Variants in CRB1 observed in about 807,000 individuals in gnomAD.
CRB1 encodes the protein crumbs cell polarity complex component 1, also known as protein crumbs homolog 1.
CRB1 carries 83 observed loss-of-function variants against 120.0 expected under a neutral mutation model. The ratio of observed to expected loss-of-function variants is 0.69; its 90% CI spans 0.58 to 0.83. CRB1 has a LOEUF of 0.83. Among genes scored for constraint, CRB1 ranks in the 40% least tolerant of loss-of-function variants. CRB1 has a pLI of 0.00. For missense variants in CRB1, 1,699 were observed against 1,687.6 expected (o/e 1.01, Z -0.12); for synonymous variants, 625 against 612.5 (o/e 1.02, Z -0.30).
intron 1 of CRB1, among the ~76,000 whole-genome samples, chr1:197,315,235 T>C (rs1373441063): frequency 3.9e-5 from 6 of 152,238 alleles, no homozygotes; most frequent in Non-Finnish European, 8.8e-5. Context: ...AGTCTTGTAC[T>C]AGCTACCCTG....
chr1:197,450,666 C>T (rs975839384), intron 11 of CRB1, among the ~76,000 whole-genome samples: 2 of 151,350 alleles, frequency 1.3e-5, no homozygotes, highest in South Asian at 2.1e-4. Flanking sequence ...ATAGGCCGGG[C>T]GCGGTGGCTC....
intron 3 of CRB1, among the ~76,000 whole-genome samples, chr1:197,345,485 AT>A (rs1659709507): frequency 6.7e-6 from 1 of 149,912 alleles, no homozygotes; most frequent in Non-Finnish European, 1.5e-5. Context: ...TGCTTCAAAA[AT>A]TTGCAAAAAT....
At chr1:197,246,535 T>C in the CRB1 span, among the ~76,000 whole-genome samples, 1 of 151,972 alleles carries the variant, frequency 6.6e-6, no homozygotes, top group East Asian at 1.9e-4. Context: ...TTTTAGAGTC[T>C]CCTTATATTT....
At chr1:197,259,114 G>A in the CRB1 span, among the ~76,000 whole-genome samples, 5 of 152,320 alleles carry the variant, frequency 3.3e-5, no homozygotes, top group African/African-American at 1.2e-4. Context: ...GTGGAAGACA[G>A]TGTGATGATT....
At chr1:197,279,035 G>T (rs1445456509) in intron 1 of CRB1, among the ~76,000 whole-genome samples, 1 of 152,008 alleles carries the variant, frequency 6.6e-6, no homozygotes, top group Middle Eastern at 3.4e-3. Flanking sequence ...CTAGTCTTGT[G>T]TATGAAGAAA....
intron 1 of CRB1, among the ~76,000 whole-genome samples, chr1:197,308,450 A>G (rs939699777): frequency 6.6e-6 from 1 of 152,210 alleles, no homozygotes; most frequent in African/African-American, 2.4e-5. Context: ...TCTCTGTTCT[A>G]ATTTATCATC....
the CRB1 span, among the ~76,000 whole-genome samples, chr1:197,229,305 T>G: frequency 5.9e-3 from 897 of 152,282 alleles, 4 homozygotes; most frequent in Non-Finnish European, 8.9e-3. Flanking sequence ...CAACATGATA[T>G]GATAGTAAAG....
chr1:197,311,698 AGTGTGT>A (rs57455433), intron 1 of CRB1, among the ~76,000 whole-genome samples: 24,297 of 138,750 alleles, frequency 0.18, 2,104 homozygotes, highest in Middle Eastern at 0.25. Flanking sequence ...TCATATAGTT[AGTGTGT>A]GTGTGTGTGT....
intron 3 of CRB1, 119 bp downstream of exon 3, chr1:197,344,595 T>C (rs1264048123): frequency 1.7e-5 from 15 of 888,204 alleles, no homozygotes; most frequent in Non-Finnish European, 2.8e-5. Context: ...TGTAACTTTA[T>C]ACTTTAACTG....
chr1:197,265,263 A>C, upstream of CRB1, among the ~76,000 whole-genome samples: 1 of 149,622 alleles, frequency 6.7e-6, no homozygotes, highest in Non-Finnish European at 1.5e-5. Context: ...TCTTTTCTTT[A>C]TTTCCTTCTT....
chr1:197,257,466 TG>T, the CRB1 span, among the ~76,000 whole-genome samples: 14 of 152,170 alleles, frequency 9.2e-5, no homozygotes, highest in Non-Finnish European at 1.8e-4. Context: ...CTCACTCAAT[TG>T]GTCCTCATCT....
chr1:197,341,121 C>T (rs115498943), intron 2 of CRB1, among the ~76,000 whole-genome samples: 3,210 of 152,254 alleles, frequency 0.021, 114 homozygotes, highest in African/African-American at 0.074. Context: ...CAGGGTCCAT[C>T]CCATAACACC....
intron 5 of CRB1, among the ~76,000 whole-genome samples, chr1:197,382,783 A>C (rs1662021922): frequency 6.6e-6 from 1 of 152,224 alleles, no homozygotes; most frequent in Non-Finnish European, 1.5e-5. Flanking sequence ...GCACTGTTGC[A>C]TGCCCTGAAA....
intron 2 of CRB1, 114 bp downstream of exon 2, chr1:197,329,117 T>C (rs1211263809): frequency 1.3e-5 from 12 of 911,782 alleles, no homozygotes; most frequent in Non-Finnish European, 3.5e-6. Flanking sequence ...GCCAAGTTCT[T>C]GACAGGAATC....
chr1:197,287,340 A>G (rs1427038358), intron 1 of CRB1, among the ~76,000 whole-genome samples: 1 of 151,892 alleles, frequency 6.6e-6, no homozygotes, highest in African/African-American at 2.4e-5. Flanking sequence ...TTTTCTCCTC[A>G]GAGTTTGTCA....
chr1:197,263,466 T>G (rs1035162382), upstream of CRB1, among the ~76,000 whole-genome samples: 117 of 152,170 alleles, frequency 7.7e-4, no homozygotes, highest in African/African-American at 2.6e-3. Flanking sequence ...TTTTCTCCCA[T>G]TCTGTATATT....
intron 5 of CRB1, among the ~76,000 whole-genome samples, chr1:197,399,406 G>A (rs1007109903): frequency 6.6e-6 from 1 of 152,092 alleles, no homozygotes; most frequent in African/African-American, 2.4e-5. Flanking sequence ...TACACTGTTG[G>A]AAAGAACATG....
intron 11 of CRB1, among the ~76,000 whole-genome samples, chr1:197,447,063 A>G (rs933674424): frequency 1.3e-4 from 20 of 152,204 alleles, no homozygotes; most frequent in Non-Finnish European, 2.4e-4. Context: ...TTAAAACAAC[A>G]CACATTTATT....
At chr1:197,429,426 C>G (rs1055908870) in intron 7 of CRB1, 23 bp from the exon 8 acceptor site, 1 of 1,613,472 alleles carries the variant, frequency 6.2e-7, no homozygotes, top group African/African-American at 1.3e-5. Context: ...GCTTTTTATA[C>G]CTTTGATTTC....
Sources: allele counts gnomAD v4.1 joint callset (sites outside exome capture counted in the v4.1 genomes callset), GRCh38; gene constraint gnomAD v4.1.1; transcripts MANE v1.5; gene names NCBI Gene and HGNC (gene_info 2026-07-23, HGNC 2026-07-21).